GIGYF2: variants seen among roughly 807,000 people sequenced by gnomAD.
The protein encoded by GIGYF2 is GRB10 interacting GYF protein 2, also known as GRB10-interacting GYF protein 2.
A neutral mutation model predicts 208.1 loss-of-function variants in GIGYF2; 25 were observed. The ratio of observed to expected loss-of-function variants is 0.12; its 90% CI spans 0.09 to 0.17. The LOEUF (loss-of-function observed/expected upper bound fraction) is 0.17, where lower values mean the gene tolerates loss of function less well. Ranked by LOEUF, GIGYF2 falls within the 10% of genes least tolerant of loss-of-function variation. The probability of loss-of-function intolerance (pLI) is 1.00; values close to 1 mark genes in which losing one functional copy is unlikely to be tolerated. For synonymous variants in GIGYF2, 534 were observed against 543.8 expected (o/e 0.98, Z 0.25); for missense variants, 1,302 against 1,579.4 (o/e 0.82, Z 2.98).
intron 8 of GIGYF2, among the ~76,000 whole-genome samples, chr2:232,784,440 A>T (rs1340568762): frequency 1.7e-5 from 2 of 116,394 alleles, no homozygotes; most frequent in Non-Finnish European, 3.2e-5. Flanking sequence ...CCCAGGCTGG[A>T]GAGCAGTGGC....
chr2:232,718,232 GGATTACAGGCGC>G (rs1696781367), intron 2 of GIGYF2, among the ~76,000 whole-genome samples: 1 of 151,950 alleles, frequency 6.6e-6, no homozygotes, highest in African/African-American at 2.4e-5. Context: ...CAAGTAGCTA[GGATTACAGGCGC>G]CCACCACCAT....
At chr2:232,810,700 G>T (rs968978375) in intron 16 of GIGYF2, 1 of 160,254 alleles carries the variant, frequency 6.2e-6, no homozygotes, top group Non-Finnish European at 1.4e-5. Flanking sequence ...AGTTGCAACA[G>T]AGAGTATATG....
chr2:232,766,214 T>C (rs568696402), intron 8 of GIGYF2, among the ~76,000 whole-genome samples: 5 of 152,356 alleles, frequency 3.3e-5, no homozygotes, highest in East Asian at 3.9e-4. Context: ...TATAGATTTA[T>C]AAAGTGTTTA....
chr2:232,791,216 C>CA (rs1451185651), intron 11 of GIGYF2, 42 bp from the exon 12 acceptor site: 1 of 1,613,548 alleles, frequency 6.2e-7, no homozygotes, highest in African/African-American at 1.3e-5. Flanking sequence ...TCCATCAAAC[C>CA]AAAACTTTCG....
At chr2:232,795,094 T>C (rs1700183913) in intron 13 of GIGYF2, 150 bp downstream of exon 13, 1 of 704,106 alleles carries the variant, frequency 1.4e-6, no homozygotes, top group Non-Finnish European at 2.6e-6. Flanking sequence ...CAAGTCATTG[T>C]CTTTCAAATC....
chr2:232,719,766 G>A (rs1403779442), intron 2 of GIGYF2, among the ~76,000 whole-genome samples: 1 of 152,210 alleles, frequency 6.6e-6, no homozygotes, highest in Non-Finnish European at 1.5e-5. Flanking sequence ...AATATTCACT[G>A]TCAAGTACAA....
intron 2 of GIGYF2, chr2:232,705,956 C>T (rs962511988): frequency 1.3e-5 from 2 of 152,174 alleles, no homozygotes; most frequent in Non-Finnish European, 1.5e-5. Flanking sequence ...CCACTTACCT[C>T]GGCTTCCCAA....
intron 22 of GIGYF2, among the ~76,000 whole-genome samples, chr2:232,837,494 G>A (rs1211263960): frequency 6.6e-6 from 1 of 152,088 alleles, no homozygotes; most frequent in African/African-American, 2.4e-5. Flanking sequence ...TGGCTCTGTC[G>A]CCCAGGCTGG....
chr2:232,737,614 T>G (rs1417557069), intron 3 of GIGYF2, among the ~76,000 whole-genome samples: 1 of 152,178 alleles, frequency 6.6e-6, no homozygotes, highest in Non-Finnish European at 1.5e-5. Flanking sequence ...CTAATTTTTC[T>G]TCACGTATGA....
At chr2:232,713,699 G>A (rs1380255358) in intron 2 of GIGYF2, among the ~76,000 whole-genome samples, 1 of 152,072 alleles carries the variant, frequency 6.6e-6, no homozygotes, top group Non-Finnish European at 1.5e-5. Flanking sequence ...TGTTTTTGAT[G>A]ACCTTGACAA....
rs1700055163 is a variant in GIGYF2 at position 232,791,044 on chromosome 2, ATGGACTTCCGGCCTG to A, written c.973_987del (p.Phe325_Asp329del). 1 of 1,613,888 alleles carries A rather than the reference ATGGACTTCCGGCCTG, an allele frequency of 6.2e-7. No homozygotes were observed. Among genetic ancestry groups the A allele is most frequent in the Admixed American group, 1.7e-5 (1 of 59,990 alleles). On this transcript the variant is annotated inframe_deletion, in exon 11 of 29. Coordinates refer to ENST00000373563, the MANE Select transcript of GIGYF2 (RefSeq NM_001103146.3). Reference sequence around the variant, plus strand: ...AGAGCCTATTCCAGAAGAGCAGGAGATGGACTTCCGGCCTGTGGACGAAGGGGAGGAGTGCTCTGA... The same window carrying A: ...AGAGCCTATTCCAGAAGAGCAGGAGATGGACGAAGGGGAGGAGTGCTCTGA...
chr2:232,803,561 G>A (rs556591646), intron 14 of GIGYF2, among the ~76,000 whole-genome samples: 7 of 151,690 alleles, frequency 4.6e-5, no homozygotes, highest in Non-Finnish European at 7.4e-5. Flanking sequence ...CGTTTGCTTC[G>A]GGACCAAGAA....
intron 5 of GIGYF2, among the ~76,000 whole-genome samples, chr2:232,752,617 T>C (rs1237022314): frequency 6.6e-6 from 1 of 152,120 alleles, no homozygotes; most frequent in African/African-American, 2.4e-5. Flanking sequence ...CTCGGCTCAC[T>C]GCAAGCTCTG....
At chr2:232,794,392 G>C (rs1201580437) in intron 12 of GIGYF2, among the ~76,000 whole-genome samples, 1 of 152,154 alleles carries the variant, frequency 6.6e-6, no homozygotes, top group Non-Finnish European at 1.5e-5. Context: ...TCTTTCAGAA[G>C]ATTTAGGGTG....
intron 22 of GIGYF2, among the ~76,000 whole-genome samples, chr2:232,836,375 TAAATATAAATATATATAAATATAA>T (rs1350121175): frequency 1.5e-4 from 7 of 47,608 alleles, no homozygotes; most frequent in African/African-American, 5.4e-4. Flanking sequence ...TAAATATATA[TAAATATAAATATATATAAATATAA>T]ATATATATAT....
intron 2 of GIGYF2, among the ~76,000 whole-genome samples, chr2:232,723,426 T>G (rs1356041711): frequency 6.9e-6 from 1 of 145,966 alleles, no homozygotes; most frequent in Non-Finnish European, 1.5e-5. Context: ...AAGATTCTTT[T>G]CTTTTCTTTT....
At chr2:232,700,866 T>TA (rs1206401820) in intron 1 of GIGYF2, among the ~76,000 whole-genome samples, 1 of 152,262 alleles carries the variant, frequency 6.6e-6, no homozygotes, top group Middle Eastern at 3.4e-3. Flanking sequence ...TAAAATAAGA[T>TA]AAAAAAGTCC....
At chr2:232,804,026 A>C (rs1455343521) in intron 14 of GIGYF2, among the ~76,000 whole-genome samples, 1 of 152,168 alleles carries the variant, frequency 6.6e-6, no homozygotes, top group Admixed American at 6.5e-5. Flanking sequence ...CCAGTACTGT[A>C]CAATCTTGAT....
intron 2 of GIGYF2, among the ~76,000 whole-genome samples, chr2:232,714,438 C>T (rs1388981815): frequency 6.6e-6 from 1 of 152,004 alleles, no homozygotes; most frequent in African/African-American, 2.4e-5. Flanking sequence ...AATATTAAAG[C>T]TTAGTCTTGG....
Sources: gnomAD v4.1 joint callset for allele counts (sites outside exome capture counted in the v4.1 genomes callset) on GRCh38, gnomAD v4.1.1 for gene constraint, MANE v1.5 for transcripts, NCBI Gene and HGNC (gene_info 2026-07-23, HGNC 2026-07-21) for gene names.